The following SLC25A13 variants were observed in gnomAD, a reference collection of about 807,000 sequenced individuals.
The protein encoded by SLC25A13 is solute carrier family 25 member 13.
A neutral mutation model predicts 85.5 loss-of-function variants in SLC25A13; 70 were observed. The ratio of observed to expected loss-of-function variants is 0.82; its 90% confidence interval spans 0.68 to 1.00. SLC25A13 has a LOEUF of 1.00. SLC25A13 is among the 50% of genes least tolerant of loss of function. SLC25A13 has a pLI of 0.00. For missense variants in SLC25A13, 765 were observed against 819.8 expected, an observed-to-expected ratio of 0.93 and a Z score of 0.82; for synonymous variants, 259 against 288.7, an observed-to-expected ratio of 0.90 and a Z score of 1.04.
At chr7:96,270,517 T>C (rs1798199882) in intron 3 of SLC25A13, among the ~76,000 whole-genome samples, 1 of 150,196 alleles carries the variant, frequency 6.7e-6, no homozygotes, top group South Asian at 2.1e-4. Flanking sequence ...ATCGTGCCAC[T>C]GCACCCCAGC....
chr7:96,143,418 T>A (rs1438762293), intron 14 of SLC25A13, among the ~76,000 whole-genome samples: 1 of 152,224 alleles, frequency 6.6e-6, no homozygotes, highest in African/African-American at 2.4e-5. Flanking sequence ...TACATTCTCA[T>A]AATTCTTTTT....
intron 14 of SLC25A13, among the ~76,000 whole-genome samples, chr7:96,137,791 A>ATT (rs1297233073): frequency 1.3e-5 from 2 of 152,024 alleles, no homozygotes; most frequent in African/African-American, 4.8e-5. Context: ...TGCCCAGCAA[A>ATT]TTTTTGTATT....
In SLC25A13 at chr7:96,120,889, C is replaced by T. The variant is rs1211884395; in HGVS notation, c.*302G>A. On this transcript the variant is annotated 3_prime_UTR_variant, in exon 18 of 18. Transcript: ENST00000265631. ...CAATCCTAGTTCAAGGAGGGGAGTA[C>T]TAATTTCTATTCTGACTTGCTCCTT... 1 of 514,054 alleles carries T rather than the reference C, an allele frequency of 1.9e-6. No homozygotes were observed. The highest frequency in any genetic ancestry group is 1.5e-5 in the South Asian group (1 of 65,016). The allele number at this position is 514,054 out of a possible 1,614,324, so 31.8% of individuals were successfully genotyped here. A position where few individuals can be genotyped will look rare whatever the true frequency, so the allele number is the denominator to read the frequency against.
chr7:96,139,547 C>T (rs546806766), intron 14 of SLC25A13, among the ~76,000 whole-genome samples: 9 of 152,218 alleles, frequency 5.9e-5, no homozygotes, highest in African/African-American at 2.2e-4. Context: ...TCTAAAAATC[C>T]TTCCTTAAAT....
rs113913591 is a variant in SLC25A13, at chr7:96,151,596, CA to C, written c.1312-4901del. On this transcript the variant is annotated intron_variant, in intron 13 of 17. Coordinates refer to ENST00000265631, the MANE Select transcript of SLC25A13 (RefSeq NM_014251.3). ...TGAGCGACAGAGGGAGATTCTGTCT[CA>C]AAAAAAAAAAAATTGTTTTTTGGTC... is the stretch of plus-strand genomic sequence containing the variant. 7.5e-3 allele frequency among the ~76,000 whole-genome samples: 992 copies of C among 132,636 alleles called. 7 individuals are homozygous for C. Among genetic ancestry groups the C allele is most frequent in the African/African-American group, 0.023 (822 of 36,318 alleles). 87.0% of individuals were successfully genotyped at this position (132,636 alleles called of 152,430 possible).
Position 96,296,587 on chromosome 7 carries a change from T to G in SLC25A13, c.69+311A>C, listed in dbSNP as rs532811202. 3.3e-5 allele frequency among the ~76,000 whole-genome samples: 5 copies of G among 152,036 alleles called. No homozygotes were observed. The East Asian group carries it at 9.7e-4, about 30-fold the overall frequency. On this transcript the variant is annotated intron_variant, in intron 2 of 17. Transcript: ENST00000265631. ...CCTCCGCCTCCCAGGTTCAAGCGATTCTCCCACCTCAGCCTCCTGAATAGC... is the reference window on the plus strand; with the variant it reads ...CCTCCGCCTCCCAGGTTCAAGCGATGCTCCCACCTCAGCCTCCTGAATAGC...
At chr7:96,275,285 T>C (rs1252934625) in intron 3 of SLC25A13, among the ~76,000 whole-genome samples, 1 of 152,168 alleles carries the variant, frequency 6.6e-6, no homozygotes, top group East Asian at 1.9e-4. Context: ...ACACTGTTGG[T>C]GAGACTGTAA....
At chr7:96,160,355 T>C (rs144247508) in intron 13 of SLC25A13, among the ~76,000 whole-genome samples, 121 of 152,348 alleles carry the variant, frequency 7.9e-4, no homozygotes, top group African/African-American at 2.7e-3. Context: ...TCTGAGCCAC[T>C]GAAGGCAGCC....
chr7:96,151,801 C>T (rs866691603), intron 13 of SLC25A13, among the ~76,000 whole-genome samples: 5 of 149,178 alleles, frequency 3.4e-5, no homozygotes, highest in Admixed American at 6.7e-5. Context: ...AAAAATTAGC[C>T]GGACATGGTG....
At chr7:96,215,341 C>T (rs755972433) in intron 4 of SLC25A13, among the ~76,000 whole-genome samples, 2 of 152,114 alleles carry the variant, frequency 1.3e-5, no homozygotes, top group Non-Finnish European at 2.9e-5. Context: ...GTGATCCACC[C>T]ACCTCGGCCT....
chr7:96,147,844 C>T (rs1201751230), intron 13 of SLC25A13, among the ~76,000 whole-genome samples: 1 of 151,976 alleles, frequency 6.6e-6, no homozygotes, highest in Non-Finnish European at 1.5e-5. Context: ...GTACACATTT[C>T]CCCCTGCCAT....
chr7:96,291,444 G>A (rs1187351561), intron 2 of SLC25A13, among the ~76,000 whole-genome samples: 1 of 152,184 alleles, frequency 6.6e-6, no homozygotes, highest in African/African-American at 2.4e-5. Context: ...AGAACTGAAG[G>A]AGATGGAGAC....
chr7:96,178,979 T>C (rs976880220), intron 11 of SLC25A13, among the ~76,000 whole-genome samples: 2 of 152,254 alleles, frequency 1.3e-5, no homozygotes, highest in African/African-American at 4.8e-5. Flanking sequence ...AATGAAGATT[T>C]AAATGCCAGT....
rs192950524 is a variant in SLC25A13, at chr7:96,312,701, G to A, written c.15+9241C>T. ...TGCTAAGTACTGTACCCATGAACAC[G>A]GTAGTGCTATTATCATGGCAACAAG... On this transcript the variant is annotated intron_variant, in intron 1 of 17. Transcript: ENST00000265631. 1.2e-4 allele frequency among the ~76,000 whole-genome samples: 18 copies of A among 152,248 alleles called. No homozygotes were observed. The East Asian group carries it at 2.7e-3, about 23-fold the overall frequency.
chr7:96,140,194 G>A (rs1229237069), intron 14 of SLC25A13, among the ~76,000 whole-genome samples: 2 of 151,008 alleles, frequency 1.3e-5, no homozygotes, highest in Non-Finnish European at 3.0e-5. Flanking sequence ...TCCTGACCTC[G>A]TGATCCGCCC....
chr7:96,322,024 G>C lies in SLC25A13; in HGVS notation c.-68C>G. 4 of 1,527,620 alleles carry C rather than the reference G, an allele frequency of 2.6e-6. No homozygotes were observed. The highest frequency in any genetic ancestry group is 3.5e-6 in the Non-Finnish European group (4 of 1,137,158). 94.6% of individuals were successfully genotyped at this position (1,527,620 alleles called of 1,614,324 possible). A position where few individuals can be genotyped will look rare whatever the true frequency, so the allele number is the denominator to read the frequency against. On this transcript the variant is annotated 5_prime_UTR_variant, in exon 1 of 18. Transcript: ENST00000265631. ...CTGGCTGGCGTTTGGGACCCGGGCG[G>C]CTCACTTCTAGTCCCGGCGGCGGCG... is the stretch of plus-strand genomic sequence containing the variant.
chr7:96,134,807 A>ATATATATATATATATATATATATG (rs1792200057), intron 14 of SLC25A13, among the ~76,000 whole-genome samples: 1 of 145,490 alleles, frequency 6.9e-6, no homozygotes, highest in Non-Finnish European at 1.5e-5. Flanking sequence ...ATATATATAT[A>ATATATATATATATATATATATATG]TATATAACCC....
At chr7:96,212,071 G>A (rs1454720818) in intron 4 of SLC25A13, among the ~76,000 whole-genome samples, 1 of 135,998 alleles carries the variant, frequency 7.4e-6, no homozygotes, top group Non-Finnish European at 1.6e-5. Flanking sequence ...GCAGTGTAAT[G>A]CAGGAATGTG....
intron 2 of SLC25A13, among the ~76,000 whole-genome samples, chr7:96,290,717 A>G (rs1799086401): frequency 6.6e-6 from 1 of 152,212 alleles, no homozygotes; most frequent in Non-Finnish European, 1.5e-5. Flanking sequence ...TCAATTCAAC[A>G]AGAAGAGCTA....
Sources: gnomAD v4.1 joint callset for allele counts (sites outside exome capture counted in the v4.1 genomes callset) on GRCh38, gnomAD v4.1.1 for gene constraint, MANE v1.5 for transcripts, NCBI Gene and HGNC (gene_info 2026-07-23, HGNC 2026-07-21) for gene names.